The following BANP variants were observed in gnomAD, a reference collection of about 807,000 sequenced individuals.
BANP encodes the protein protein BANP.
A neutral mutation model predicts 68.1 loss-of-function variants in BANP; 11 were observed. The observed-to-expected ratio is 0.16, with a 90% CI of 0.10 to 0.27. The LOEUF (loss-of-function observed/expected upper bound fraction) is 0.27, where lower values mean the gene tolerates loss of function less well. Among genes scored for constraint, BANP ranks in the 10% least tolerant of loss-of-function variants. BANP has a pLI of 1.00. For synonymous variants in BANP, 329 were observed against 303.2 expected (o/e 1.09, Z -0.88); for missense variants, 504 against 722.7 (o/e 0.70, Z 3.47).
intron 11 of BANP, among the ~76,000 whole-genome samples, chr16:88,062,512 A>G (rs983318880): frequency 1.3e-5 from 2 of 152,034 alleles, no homozygotes; most frequent in African/African-American, 4.8e-5. Flanking sequence ...TCAGGGGAAA[A>G]CCCTCTGAAT....
Position 87,989,595 on chromosome 16 carries a change from C to G in BANP, c.362+5336C>G, listed in dbSNP as rs11648838. ...AGGACACAGGACACAGGGCGGGTGA[C>G]GGGGGATGCAGGCCCGCGTGGCTGC... On this transcript the variant is annotated intron_variant, in intron 4 of 13. Coordinates refer to ENST00000682872, the MANE Select transcript of BANP (RefSeq NM_001386991.1). 2.9e-4 allele frequency among the ~76,000 whole-genome samples: 26 copies of G among 91,074 alleles called. 1 individual carries two copies. Among genetic ancestry groups the G allele is most frequent in the East Asian group, 1.2e-3 (4 of 3,414 alleles). 59.7% of individuals were successfully genotyped at this position (91,074 alleles called of 152,430 possible).
At chr16:88,066,125 T>C (rs2088513317) in intron 12 of BANP, among the ~76,000 whole-genome samples, 1 of 152,170 alleles carries the variant, frequency 6.6e-6, no homozygotes, top group Non-Finnish European at 1.5e-5. Context: ...ACGGGGCTTC[T>C]CCCAGACACG....
At position 88,018,766 on chromosome 16, in the gene BANP, G is replaced by A. The variant is rs1382195046; in HGVS notation, c.895+99G>A. 7.8e-6 allele frequency: 11 copies of A among 1,415,056 alleles called. No homozygotes were observed. Among genetic ancestry groups the A allele is most frequent in the South Asian group, 1.4e-5 (1 of 69,176 alleles). The allele number at this position is 1,415,056 out of a possible 1,614,324, so 87.7% of individuals were successfully genotyped here. A position where few individuals can be genotyped will look rare whatever the true frequency, so the allele number is the denominator to read the frequency against. On this transcript the variant is annotated intron_variant, in intron 7 of 13. Transcript: ENST00000682872. The surrounding 1 kb of genome is among the most constrained non-coding windows in gnomAD (Gnocchi z 7.7). ...ACGCTGGCATCAGTAGCACCGGCAC[G>A]GGGCTGCGTTTCTCCAGGCGGTTTG...
At chr16:87,956,703 G>C (rs998426645) in intron 1 of BANP, 3 of 152,024 alleles carry the variant, frequency 2.0e-5, no homozygotes, top group Non-Finnish European at 2.9e-5. Flanking sequence ...GGTTGTAGTC[G>C]TAGACAAGCT....
intron 11 of BANP, among the ~76,000 whole-genome samples, chr16:88,060,629 C>T (rs1001280053): frequency 1.3e-5 from 2 of 152,268 alleles, no homozygotes; most frequent in African/African-American, 4.8e-5. Context: ...CGTGGAGGCA[C>T]GTGGAGGTGG....
At chr16:87,967,117 C>T (rs1419520281) in intron 1 of BANP, among the ~76,000 whole-genome samples, 1 of 152,164 alleles carries the variant, frequency 6.6e-6, no homozygotes, top group Non-Finnish European at 1.5e-5. Flanking sequence ...TGCCCCGCAC[C>T]CACAGCTGTC....
At position 88,071,919 on chromosome 16, in the gene BANP, C is replaced by T; in HGVS notation, c.1378-150C>T. On this transcript the variant is annotated intron_variant, in intron 12 of 13. Coordinates refer to ENST00000682872, the MANE Select transcript of BANP (RefSeq NM_001386991.1). The surrounding 1 kb of genome is among the most constrained non-coding windows in gnomAD (Gnocchi z 6.5). ...AGCGATGGGGAGACAGGATGTGCCG[C>T]AGAGTCCTCGGTGTGGCCCTGAGGC... The T allele has an allele frequency of 2.0e-6, 2 of 1,001,134 alleles. No homozygotes were observed. Among genetic ancestry groups the T allele is most frequent in the South Asian group, 2.8e-5 (2 of 72,318 alleles). 62.0% of individuals were successfully genotyped at this position (1,001,134 alleles called of 1,614,324 possible).
At chr16:88,044,263 G>A (rs1461313400) in intron 11 of BANP, among the ~76,000 whole-genome samples, 1 of 152,210 alleles carries the variant, frequency 6.6e-6, no homozygotes, top group East Asian at 1.9e-4. Flanking sequence ...GCTTTCCATC[G>A]TGGTTCTAGA....
chr16:87,973,023 T>A (rs558467754), intron 1 of BANP, among the ~76,000 whole-genome samples: 181 of 152,146 alleles, frequency 1.2e-3, no homozygotes, highest in South Asian at 6.7e-3. Flanking sequence ...TGGCTTCCAG[T>A]GTCCCCATCT....
intron 3 of BANP, among the ~76,000 whole-genome samples, chr16:87,981,463 C>G (rs2146063552): frequency 6.6e-6 from 1 of 152,296 alleles, no homozygotes; most frequent in Admixed American, 6.5e-5. Context: ...GATTTAAGGC[C>G]CACCCTAATC....
chr16:88,061,611 A>G (rs1408895150), intron 11 of BANP, among the ~76,000 whole-genome samples: 1 of 151,780 alleles, frequency 6.6e-6, no homozygotes, highest in African/African-American at 2.4e-5. Flanking sequence ...GAAAGATTTT[A>G]GGCCAGTTGG....
chr16:88,075,937 G>A (rs1328291072), intron 13 of BANP, among the ~76,000 whole-genome samples: 1 of 151,870 alleles, frequency 6.6e-6, no homozygotes, highest in African/African-American at 2.4e-5. Context: ...GTAGAGACGA[G>A]GTTTCACCAT....
At position 88,031,165 on chromosome 16, in the gene BANP, C is replaced by T. The variant is rs550328156; in HGVS notation, c.1064-1944C>T. 4.1e-3 allele frequency among the ~76,000 whole-genome samples: 625 copies of T among 152,314 alleles called. 4 individuals are homozygous for T. The highest frequency in any genetic ancestry group is 0.014 in the African/African-American group (576 of 41,564). ...CCGTGGAGCACGCAGCACTGCCTGGCGGTGGTTGCTTTGGGACATGACCCA... is the reference window on the plus strand; with the variant it reads ...CCGTGGAGCACGCAGCACTGCCTGGTGGTGGTTGCTTTGGGACATGACCCA... On this transcript the variant is annotated intron_variant, in intron 8 of 13. Coordinates refer to ENST00000682872, the MANE Select transcript of BANP (RefSeq NM_001386991.1).
intron 2 of BANP, among the ~76,000 whole-genome samples, chr16:87,979,301 G>C (rs1365635203): frequency 1.3e-5 from 2 of 152,200 alleles, no homozygotes; most frequent in Non-Finnish European, 2.9e-5. Context: ...AGCACCTGGA[G>C]AATCTGAATG....
chr16:88,031,419 G>A (rs1017929043), intron 8 of BANP, among the ~76,000 whole-genome samples: 7 of 152,082 alleles, frequency 4.6e-5, no homozygotes, highest in South Asian at 2.1e-4. Context: ...TGAGGCAGGC[G>A]GATCATTTGA....
At chr16:88,038,662 G>C (rs571223305) in intron 11 of BANP, among the ~76,000 whole-genome samples, 2 of 152,278 alleles carry the variant, frequency 1.3e-5, no homozygotes, top group Admixed American at 1.3e-4. Flanking sequence ...ACCCCAGTAC[G>C]AATGGTCTCT....
chr16:88,019,044 C>G (rs1427763244), intron 7 of BANP, among the ~76,000 whole-genome samples: 1 of 152,196 alleles, frequency 6.6e-6, no homozygotes, highest in Non-Finnish European at 1.5e-5. Context: ...CTGAGCCTCT[C>G]CTAAGCGGGT....
chr16:87,974,259 G>A (rs2061631212), intron 1 of BANP, among the ~76,000 whole-genome samples: 1 of 152,222 alleles, frequency 6.6e-6, no homozygotes, highest in African/African-American at 2.4e-5. Context: ...TTTGAATGAT[G>A]CAGCCTTATT....
intron 1 of BANP, among the ~76,000 whole-genome samples, chr16:87,951,842 G>A (rs2056948279): frequency 6.6e-6 from 1 of 152,110 alleles, no homozygotes; most frequent in Non-Finnish European, 1.5e-5. Context: ...CCCGCGGGAA[G>A]GACCCGGAGC....
Sources: allele counts gnomAD v4.1 joint callset (sites outside exome capture counted in the v4.1 genomes callset), GRCh38; gene constraint gnomAD v4.1.1; non-coding constraint Gnocchi (gnomAD v3.1); transcripts MANE v1.5; gene names NCBI Gene and HGNC (gene_info 2026-07-23, HGNC 2026-07-21).